The following PDE1C variants were observed in gnomAD, a reference collection of about 807,000 sequenced individuals.
PDE1C encodes the protein phosphodiesterase 1C.
Under a neutral mutation model 93.1 loss-of-function variants are expected in PDE1C, and 62 were observed. The ratio of observed to expected loss-of-function variants is 0.67; its 90% CI spans 0.54 to 0.82. The LOEUF is 0.82. Ranked by LOEUF, PDE1C falls within the 40% of genes least tolerant of loss-of-function variation. The probability of loss-of-function intolerance (pLI) is 0.00; values close to 1 mark genes in which losing one functional copy is unlikely to be tolerated. For synonymous variants in PDE1C, 325 were observed against 310.1 expected (o/e 1.05, Z -0.50); for missense variants, 742 against 884.6 (o/e 0.84, Z 2.04).
At chr7:31,971,328 A>G (rs956398252) in intron 2 of PDE1C, among the ~76,000 whole-genome samples, 1 of 152,092 alleles carries the variant, frequency 6.6e-6, no homozygotes, top group African/African-American at 2.4e-5. Flanking sequence ...GCTTAGGGGT[A>G]TATACACAGA....
intron 2 of PDE1C, among the ~76,000 whole-genome samples, chr7:31,918,155 T>A (rs1802167306): frequency 6.6e-6 from 1 of 152,312 alleles, no homozygotes; most frequent in Non-Finnish European, 1.5e-5. Flanking sequence ...GTTCATTTTC[T>A]ATTTCAATGA....
chr7:31,627,608 T>C, the PDE1C span, among the ~76,000 whole-genome samples: 1 of 133,538 alleles, frequency 7.5e-6, no homozygotes, highest in Non-Finnish European at 1.5e-5. Context: ...CGCAGTAAGC[T>C]GCGATCATGC....
At chr7:32,041,902 G>T (rs1241158375) in intron 2 of PDE1C, among the ~76,000 whole-genome samples, 1 of 152,120 alleles carries the variant, frequency 6.6e-6, no homozygotes, top group Non-Finnish European at 1.5e-5. Flanking sequence ...GCAGAGTAGA[G>T]AAATGAACTA....
intron 2 of PDE1C, among the ~76,000 whole-genome samples, chr7:32,031,800 G>C (rs1454485779): frequency 1.3e-5 from 2 of 152,114 alleles, no homozygotes; most frequent in East Asian, 3.9e-4. Flanking sequence ...CTACCACAAG[G>C]GTTCTAGGAA....
chr7:32,171,223 TTAAA>T (rs1411097580), intron 2 of PDE1C, among the ~76,000 whole-genome samples: 2 of 152,134 alleles, frequency 1.3e-5, no homozygotes, highest in Admixed American at 1.3e-4. Context: ...ATAAAACTTA[TTAAA>T]TAATCAGTCT....
At chr7:32,076,369 A>C (rs1187139532), upstream of PDE1C, among the ~76,000 whole-genome samples, 1 of 152,162 alleles carries the variant, frequency 6.6e-6, no homozygotes, top group Admixed American at 6.5e-5. Flanking sequence ...GGCTGGGTGC[A>C]GTGGCTCATG....
chr7:32,043,302 C>A (rs895500763), intron 2 of PDE1C, among the ~76,000 whole-genome samples: 9 of 152,180 alleles, frequency 5.9e-5, no homozygotes, highest in African/African-American at 2.2e-4. Flanking sequence ...GCGGCCCTCA[C>A]TAATGACTGA....
At chr7:31,865,557 A>C (rs1401810586) in intron 6 of PDE1C, among the ~76,000 whole-genome samples, 1 of 152,236 alleles carries the variant, frequency 6.6e-6, no homozygotes, top group Non-Finnish European at 1.5e-5. Flanking sequence ...AAATAATACT[A>C]ATAATTAGTA....
intron 2 of PDE1C, among the ~76,000 whole-genome samples, chr7:31,906,931 C>G (rs754184633): frequency 6.6e-6 from 1 of 152,086 alleles, no homozygotes; most frequent in Non-Finnish European, 1.5e-5. Flanking sequence ...TATGTGTGCA[C>G]GAATGCACGT....
intron 3 of PDE1C, among the ~76,000 whole-genome samples, chr7:32,148,082 T>A (rs1205336090): frequency 6.8e-6 from 1 of 148,044 alleles, no homozygotes; most frequent in Non-Finnish European, 1.5e-5. Context: ...CTTGCTGAAC[T>A]CCCTGCTGGT....
intron 1 of PDE1C, among the ~76,000 whole-genome samples, chr7:32,283,093 A>C (rs1359765920): frequency 2.8e-4 from 42 of 152,228 alleles, no homozygotes; most frequent in Admixed American, 2.7e-3. Flanking sequence ...ATTTATAAAG[A>C]TGTAGAGACA....
intron 2 of PDE1C, among the ~76,000 whole-genome samples, chr7:31,951,824 T>G (rs1409797030): frequency 6.6e-6 from 1 of 152,190 alleles, no homozygotes; most frequent in African/African-American, 2.4e-5. Context: ...AACCTCAGCC[T>G]CTGTCCCTCT....
chr7:31,812,688 A>G (rs1383755041), intron 15 of PDE1C, among the ~76,000 whole-genome samples: 2 of 152,178 alleles, frequency 1.3e-5, no homozygotes, highest in African/African-American at 4.8e-5. Context: ...AGTAGTTGCA[A>G]TAGAGACCTT....
chr7:31,950,933 C>G (rs1451021874), intron 2 of PDE1C, among the ~76,000 whole-genome samples: 2 of 152,170 alleles, frequency 1.3e-5, no homozygotes, highest in South Asian at 4.1e-4. Flanking sequence ...GTGGCTTAAA[C>G]AACAGAACTC....
intron 2 of PDE1C, among the ~76,000 whole-genome samples, chr7:31,899,132 C>CTTT (rs386409838): frequency 0.14 from 12,304 of 84,964 alleles, 1,080 homozygotes; most frequent in Non-Finnish European, 0.17. Context: ...GGCAGTCCCA[C>CTTT]TTTTTTTTTT....
chr7:31,638,759 TTTTC>T, the PDE1C span, among the ~76,000 whole-genome samples: 2 of 152,062 alleles, frequency 1.3e-5, no homozygotes, highest in Admixed American at 6.6e-5. Context: ...GTTGGGTAAT[TTTTC>T]TTTCTTTTGT....
intron 1 of PDE1C, among the ~76,000 whole-genome samples, chr7:32,305,415 C>G (rs2128903084): frequency 6.6e-6 from 1 of 152,296 alleles, no homozygotes; most frequent in East Asian, 1.9e-4. Flanking sequence ...CCTGAGCAAT[C>G]CTCTTTGCTC....
chr7:31,899,038 C>T (rs1273578544), intron 2 of PDE1C, among the ~76,000 whole-genome samples: 1 of 151,772 alleles, frequency 6.6e-6, no homozygotes, highest in South Asian at 2.1e-4. Flanking sequence ...CTGTCTGAAG[C>T]GCTCCATAAT....
At chr7:31,827,554 G>T (rs1789844157) in intron 12 of PDE1C, among the ~76,000 whole-genome samples, 1 of 152,050 alleles carries the variant, frequency 6.6e-6, no homozygotes, top group Non-Finnish European at 1.5e-5. Flanking sequence ...CTATTATCAT[G>T]TCTAGCAGTG....
Sources: gnomAD v4.1 joint callset for allele counts (sites outside exome capture counted in the v4.1 genomes callset) on GRCh38, gnomAD v4.1.1 for gene constraint, MANE v1.5 for transcripts, NCBI Gene and HGNC (gene_info 2026-07-23, HGNC 2026-07-21) for gene names.